The following FRMD8 variants were observed in gnomAD, a reference collection of about 807,000 sequenced individuals.
FRMD8 encodes FERM domain containing 8.
A neutral mutation model predicts 54.2 loss-of-function variants in FRMD8; 37 were observed. That is an observed-to-expected ratio of 0.68 (90% CI 0.53 to 0.90). The LOEUF (loss-of-function observed/expected upper bound fraction) is 0.90, where lower values mean the gene tolerates loss of function less well. Ranked by LOEUF, FRMD8 falls within the 40% of genes least tolerant of loss-of-function variation. The probability of loss-of-function intolerance (pLI) is 0.00; values close to 1 mark genes in which losing one functional copy is unlikely to be tolerated. For missense variants in FRMD8, 585 were observed against 653.7 expected, an observed-to-expected ratio of 0.89 and a Z score of 1.15; for synonymous variants, 246 against 286.9, an observed-to-expected ratio of 0.86 and a Z score of 1.44.
At chr11:65,383,072 G>C (rs587807), upstream of FRMD8, 1 of 152,620 alleles carries the variant, frequency 6.6e-6, no homozygotes, top group South Asian at 2.1e-4. Context: ...ATGTCAGCCA[G>C]CAGCATCAGC....
Position 65,393,587 on chromosome 11 carries a change from C to G in FRMD8, c.268C>G (p.Pro90Ala). The G allele has an allele frequency of 6.2e-7, 1 of 1,608,770 alleles. No individual in the cohort carries two copies. The highest frequency in any genetic ancestry group is 8.5e-7 in the Non-Finnish European group (1 of 1,179,930). ...VSPLLEVQLK[P>A]KHQPYKLGRQ... ...TCGTCCTGCAGAGGTGCAGCTGAAA[C>G]CCAAGCACCAGCCCTACAAGCTGGG... The change falls in exon 4 of 11, where the codon CCC becomes GCC. Residue 90 changes from proline to alanine, a missense_variant. By Grantham distance (27) the Pro-to-Ala change is conservative (BLOSUM62 -1). Coordinates refer to ENST00000317568, the MANE Select transcript of FRMD8 (RefSeq NM_031904.5).
the FRMD8 span, chr11:65,377,048 A>G: frequency 6.2e-7 from 1 of 1,613,968 alleles, no homozygotes; most frequent in African/African-American, 1.3e-5. Context: ...CCGGACTTTG[A>G]TGAGGTCAAA....
Position 65,391,174 on chromosome 11 carries a change from ACT to A in FRMD8, c.253+1649_253+1650del, listed in dbSNP as rs1386762496. Among the ~76,000 whole-genome samples, 3 of 152,226 alleles carry A rather than the reference ACT, an allele frequency of 2.0e-5. No homozygotes were observed. The East Asian group carries it at 5.8e-4, about 29-fold the overall frequency. The stretch of plus-strand genomic sequence containing the variant: ...GCTTAGCCTTCTCAATGTCGTTGTC[ACT>A]CTGCGTGGAACAGGGCTCCAGGGCC... On this transcript the variant is annotated intron_variant, in intron 3 of 10. Transcript: ENST00000317568.
intron 10 of FRMD8, among the ~76,000 whole-genome samples, chr11:65,409,126 C>T (rs886223083): frequency 5.3e-5 from 8 of 151,886 alleles, no homozygotes; most frequent in African/African-American, 1.9e-4. Context: ...TGCTCTGTTG[C>T]CCAGGCTGGA....
the FRMD8 span, chr11:65,376,949 C>T: frequency 1.5e-5 from 24 of 1,612,826 alleles, no homozygotes; most frequent in Middle Eastern, 1.6e-4. Flanking sequence ...CCCCTCCTCC[C>T]GGAAGATGGA....
At chr11:65,406,821 C>A (rs910518508) in intron 10 of FRMD8, among the ~76,000 whole-genome samples, 1 of 151,828 alleles carries the variant, frequency 6.6e-6, no homozygotes, top group Admixed American at 6.6e-5. Flanking sequence ...CGCCTGTAGT[C>A]CCAGCTACTT....
rs1856165703 is a variant in FRMD8 at position 65,405,066 on chromosome 11, A to G, written c.1274A>G (p.Asp425Gly). Residue 425 changes from aspartate (D) to glycine (G), a missense_variant and splice_region_variant, in exon 10 of 11, where the codon GAC becomes GGC. Transcript: ENST00000317568. ...QHLSTIDYVE[D>G]GKGIRRVKPK... ...CTCTCCACCATCGACTACGTGGAGGACGGTGAGCAGCCCTTCTGTGCATGT... is the reference window on the plus strand; with the variant it reads ...CTCTCCACCATCGACTACGTGGAGGGCGGTGAGCAGCCCTTCTGTGCATGT... 1 of 1,613,030 alleles carries G rather than the reference A, an allele frequency of 6.2e-7. No individual in the cohort carries two copies. Among genetic ancestry groups the G allele is most frequent in the Admixed American group, 1.7e-5 (1 of 60,010 alleles).
At chr11:65,381,924 A>T (rs1855584335), upstream of FRMD8, 1 of 1,614,054 alleles carries the variant, frequency 6.2e-7, no homozygotes. Context: ...CCAGAGATCC[A>T]GCCAGCCACA....
the FRMD8 span, chr11:65,376,177 T>C: frequency 1.7e-6 from 1 of 587,464 alleles, no homozygotes; most frequent in East Asian, 2.9e-5. Flanking sequence ...GTTTCACAGA[T>C]GTGGGAGGCA....
chr11:65,401,117 G>A (rs535642156), intron 9 of FRMD8, among the ~76,000 whole-genome samples: 70 of 152,198 alleles, frequency 4.6e-4, no homozygotes, highest in African/African-American at 1.4e-3. Context: ...GCAGCTGTTT[G>A]TTGAGGGCTT....
chr11:65,386,392 A>C (rs1855730072), upstream of FRMD8, among the ~76,000 whole-genome samples: 1 of 152,184 alleles, frequency 6.6e-6, no homozygotes, highest in South Asian at 2.1e-4. Flanking sequence ...TGATTCTCGA[A>C]TCTTCGCCAA....
rs779522359 is a variant in FRMD8, at chr11:65,387,100, G to A, written c.64G>A (p.Val22Met). The stretch of plus-strand genomic sequence containing the variant: ...CGCTGAGCGATCCCACCGAAGCAGC[G>A]TGTCCTCCGTGGGAGCCCGAGGTGG... ...GPAERSHRSS[V>M]SSVGARAADV... The change falls in exon 2 of 11, where the codon GTG becomes ATG. Residue 22 changes from valine (V) to methionine (M), a missense_variant. Coordinates refer to ENST00000317568, the MANE Select transcript of FRMD8 (RefSeq NM_031904.5). 3 of 1,607,028 alleles carry A rather than the reference G, an allele frequency of 1.9e-6. No individual in the cohort carries two copies. The highest frequency in any genetic ancestry group is 2.2e-5 in the East Asian group (1 of 44,886).
At chr11:65,386,197 GA>G (rs1415982168), upstream of FRMD8, among the ~76,000 whole-genome samples, 22 of 152,220 alleles carry the variant, frequency 1.4e-4, no homozygotes, top group East Asian at 4.2e-3. Flanking sequence ...CTGAGGCCCA[GA>G]GGAGAAGGGA....
the FRMD8 span, chr11:65,379,973 A>C: frequency 6.2e-7 from 1 of 1,613,014 alleles, no homozygotes; most frequent in East Asian, 2.2e-5. Context: ...GGGTGGCGGG[A>C]TGGGCAGGTG....
At chr11:65,383,304 A>G (rs1165237215), upstream of FRMD8, 1 of 152,486 alleles carries the variant, frequency 6.6e-6, no homozygotes, top group Non-Finnish European at 1.5e-5. Context: ...GATTCGGGAA[A>G]CAGGACCTCC....
the FRMD8 span, chr11:65,380,023 C>A: frequency 1.9e-6 from 3 of 1,589,654 alleles, no homozygotes; most frequent in Non-Finnish European, 2.6e-6. Context: ...GGGATGCCAA[C>A]CAGCAGGAGA....
intron 10 of FRMD8, 80 bp from the exon 11 acceptor site, chr11:65,411,162 C>A: frequency 8.2e-7 from 1 of 1,225,298 alleles, no homozygotes; most frequent in Non-Finnish European, 1.1e-6. Flanking sequence ...GCGCTGGAGC[C>A]AGAACCTGGC....
Position 65,394,426 on chromosome 11 carries a change from G to C in FRMD8, c.581+1G>C. 6.4e-7 allele frequency: 1 copy of C among 1,564,262 alleles called. No individual in the cohort carries two copies. Among genetic ancestry groups the C allele is most frequent in the Non-Finnish European group, 8.6e-7 (1 of 1,157,804 alleles). On this transcript the variant is annotated splice_donor_variant, in intron 6 of 10. Transcript: ENST00000317568. LOFTEE classifies it high-confidence loss of function. Reference sequence around the variant, plus strand: ...GCCGGCCGGCAGCCTGCGACCTGAGGTGAGGGCCTGTGTGACTTGAGGCGG... The same window carrying C: ...GCCGGCCGGCAGCCTGCGACCTGAGCTGAGGGCCTGTGTGACTTGAGGCGG...
At position 65,404,835 on chromosome 11, in the gene FRMD8, C is replaced by G. The variant is rs762592240; in HGVS notation, c.1072-29C>G. ...AACAGGCATGGAAGGGGGCCCTGGC[C>G]AGGCCTCACACTGCCCCCTCCTCCC... On this transcript the variant is annotated intron_variant, in intron 9 of 10. Transcript: ENST00000317568. This position sits in a 1 kb window ranked among gnomAD's most constrained non-coding sequence, Gnocchi z 4.7. 1.3e-6 allele frequency: 2 copies of G among 1,582,898 alleles called. No homozygotes were observed. Among genetic ancestry groups the G allele is most frequent in the Non-Finnish European group, 1.7e-6 (2 of 1,155,252 alleles).
Sources: allele counts gnomAD v4.1 joint callset (sites outside exome capture counted in the v4.1 genomes callset), GRCh38; gene constraint gnomAD v4.1.1; non-coding constraint Gnocchi (gnomAD v3.1); transcripts MANE v1.5; gene names NCBI Gene and HGNC (gene_info 2026-07-23, HGNC 2026-07-21).